Variants in NLRP5 observed in about 807,000 individuals in gnomAD.
The protein encoded by NLRP5 is NLR family pyrin domain containing 5.
A neutral mutation model predicts 113.1 loss-of-function variants in NLRP5; 93 were observed. That is an observed-to-expected ratio of 0.82 (90% CI 0.70 to 0.98). The LOEUF is 0.98. Ranked by LOEUF, NLRP5 falls within the 50% of genes least tolerant of loss-of-function variation. NLRP5 has a pLI of 0.00. For missense variants in NLRP5, 1,808 were observed against 1,514.3 expected, an observed-to-expected ratio of 1.19 and a Z score of -3.22; for synonymous variants, 751 against 600.7, an observed-to-expected ratio of 1.25 and a Z score of -3.66.
At chr19:55,999,462 C>T (rs555933622), upstream of NLRP5, among the ~76,000 whole-genome samples, 18 of 152,040 alleles carry the variant, frequency 1.2e-4, no homozygotes, top group African/African-American at 3.9e-4. Context: ...GTGATCTGCC[C>T]GCCTCGGCAG....
chr19:56,041,586 C>T (rs1038747857), intron 11 of NLRP5, among the ~76,000 whole-genome samples: 4 of 152,198 alleles, frequency 2.6e-5, no homozygotes, highest in African/African-American at 9.7e-5. Flanking sequence ...AGTGATGGAC[C>T]TCACAGCCTC....
At chr19:56,007,503 C>T (rs1217521516) in intron 2 of NLRP5, among the ~76,000 whole-genome samples, 1 of 150,896 alleles carries the variant, frequency 6.6e-6, no homozygotes, top group South Asian at 2.1e-4. Flanking sequence ...TAGAGAAAAA[C>T]ATTCTGAGCA....
intron 3 of NLRP5, among the ~76,000 whole-genome samples, chr19:56,010,486 T>G (rs1490970522): frequency 6.6e-6 from 1 of 151,986 alleles, no homozygotes; most frequent in East Asian, 1.9e-4. Context: ...GGCTCACGCC[T>G]GTAATCCCAG....
At chr19:56,005,322 CAT>C (rs567900282) in intron 2 of NLRP5, among the ~76,000 whole-genome samples, 36 of 144,706 alleles carry the variant, frequency 2.5e-4, no homozygotes, top group East Asian at 1.2e-3. Flanking sequence ...TATATACACA[CAT>C]ATTTATATAT....
intron 12 of NLRP5, among the ~76,000 whole-genome samples, chr19:56,052,085 C>T (rs939481365): frequency 6.6e-6 from 1 of 152,152 alleles, no homozygotes; most frequent in Non-Finnish European, 1.5e-5. Context: ...TCTCCATCAC[C>T]ATTTATCCAT....
intron 7 of NLRP5, among the ~76,000 whole-genome samples, chr19:56,030,864 C>T (rs928926439): frequency 6.6e-6 from 1 of 151,858 alleles, no homozygotes; most frequent in Non-Finnish European, 1.5e-5. Flanking sequence ...CAGTTGCCCA[C>T]CACCACACCC....
chr19:55,988,033 A>G, the NLRP5 span: 1 of 717,240 alleles, frequency 1.4e-6, no homozygotes, highest in Non-Finnish European at 2.4e-6. Context: ...AGAGCAACCC[A>G]GTCAACACCA....
chr19:56,006,940 C>T (rs1034822834), intron 2 of NLRP5, among the ~76,000 whole-genome samples: 7 of 151,124 alleles, frequency 4.6e-5, no homozygotes, highest in Middle Eastern at 3.2e-3. Context: ...GGGGTTTCAC[C>T]TTGTTAGCCA....
rs1385924929 is a variant in NLRP5, at chr19:56,033,663, G to A, written c.2569G>A (p.Ala857Thr). 1 of 1,613,794 alleles carries A rather than the reference G, an allele frequency of 6.2e-7. No homozygotes were observed. Among genetic ancestry groups the A allele is most frequent in the Non-Finnish European group, 8.5e-7 (1 of 1,179,820 alleles). ...CCTGAAGGAAGAGGATGTAAGGATG[G>A]CGTGTGAAGCCTTAAAACACCCAAA... Residue 857 changes from alanine to threonine, a missense_variant, in exon 9 of 15, where the codon GCG (alanine) becomes ACG (threonine). Transcript: ENST00000390649.
intron 13 of NLRP5, 24 bp downstream of exon 13, chr19:56,053,832 G>C (rs370956366): frequency 6.2e-7 from 1 of 1,608,238 alleles, no homozygotes; most frequent in African/African-American, 1.3e-5. Context: ...GCGCCTCTTT[G>C]CGGGCCGGGC....
chr19:56,052,436 T>C (rs901764330), intron 12 of NLRP5, among the ~76,000 whole-genome samples: 4 of 151,956 alleles, frequency 2.6e-5, no homozygotes, highest in African/African-American at 9.7e-5. Context: ...GCCCAGCTAC[T>C]TTTTTGTATT....
At chr19:55,992,101 T>C in the NLRP5 span, among the ~76,000 whole-genome samples, 1 of 152,198 alleles carries the variant, frequency 6.6e-6, no homozygotes, top group Non-Finnish European at 1.5e-5. Context: ...CTCCCATTTA[T>C]AAGTGAGAAC....
intron 13 of NLRP5, among the ~76,000 whole-genome samples, chr19:56,054,677 C>T (rs145659798): frequency 2.0e-4 from 31 of 151,938 alleles, no homozygotes; most frequent in Non-Finnish European, 1.9e-4. Flanking sequence ...TGTATAATTC[C>T]ATTTGTATAA....
chr19:55,993,224 A>G, the NLRP5 span, among the ~76,000 whole-genome samples: 1 of 151,418 alleles, frequency 6.6e-6, no homozygotes, highest in Non-Finnish European at 1.5e-5. Flanking sequence ...CACCCCAAAC[A>G]TTTGTGTTGT....
chr19:56,056,602 AT>A (rs1328528644), intron 13 of NLRP5, among the ~76,000 whole-genome samples: 1 of 152,146 alleles, frequency 6.6e-6, no homozygotes. Flanking sequence ...ACCCATGTTA[AT>A]CAGAGGTTAG....
chr19:56,026,345 G>A (rs936112686), intron 6 of NLRP5, among the ~76,000 whole-genome samples: 1 of 151,596 alleles, frequency 6.6e-6, no homozygotes, highest in Non-Finnish European at 1.5e-5. Flanking sequence ...TGGCGAACAC[G>A]GTGAAACCCC....
chr19:56,043,460 T>A (rs1983594219), intron 11 of NLRP5, among the ~76,000 whole-genome samples: 1 of 152,002 alleles, frequency 6.6e-6, no homozygotes, highest in Admixed American at 6.6e-5. Flanking sequence ...TTTTCTTGGA[T>A]TTGTTTGAGT....
rs750615349 is a variant in NLRP5 at position 56,027,241 on chromosome 19, C to G, written c.1008C>G (p.Ile336Met). 2 of 1,612,748 alleles carry G rather than the reference C, an allele frequency of 1.2e-6. No individual in the cohort carries two copies. Among genetic ancestry groups the G allele is most frequent in the African/African-American group, 2.7e-5 (2 of 75,054 alleles). ...AGGAGAGCAGTGTCACAGAGTTCAT[C>G]TCCAGGGAGTGGCCAGACTCCCAGG... is the stretch of plus-strand genomic sequence containing the variant. The change falls in exon 7 of 15, where the codon ATC becomes ATG. Residue 336 changes from isoleucine (I) to methionine (M), a missense_variant. Ile to Met is a conservative substitution (Grantham distance 10). Transcript: ENST00000390649.
Position 56,035,966 on chromosome 19 carries a change from C to T in NLRP5, c.2616-2059C>T, listed in dbSNP as rs1056808720. On this transcript the variant is annotated intron_variant, in intron 9 of 14. Coordinates refer to ENST00000390649, the MANE Select transcript of NLRP5 (RefSeq NM_153447.4). ...TCCAGGGATGTGCTGATGAATGAAA[C>T]GAGATTCTTTGATTCAATAACGACA... Among the ~76,000 whole-genome samples the T allele has an allele frequency of 9.9e-5, 15 of 151,000 alleles. No individual in the cohort carries two copies. In the East Asian group the frequency reaches 1.8e-3, roughly 18 times the overall value.
Sources: allele counts gnomAD v4.1 joint callset (sites outside exome capture counted in the v4.1 genomes callset), GRCh38; gene constraint gnomAD v4.1.1; transcripts MANE v1.5; gene names NCBI Gene and HGNC (gene_info 2026-07-23, HGNC 2026-07-21).